Variants in ANKFN1 observed in about 807,000 individuals in gnomAD.
ANKFN1 encodes ankyrin repeat and fibronectin type III domain containing 1, also known as ankyrin repeat and fibronectin type-III domain-containing protein 1.
In ANKFN1, 74 loss-of-function variants were observed where a neutral mutation model predicts 108.7. The observed-to-expected ratio is 0.68, with a 90% confidence interval of 0.56 to 0.83. The LOEUF (loss-of-function observed/expected upper bound fraction) is 0.83, where lower values mean the gene tolerates loss of function less well. Ranked by LOEUF, ANKFN1 falls within the 40% of genes least tolerant of loss-of-function variation. ANKFN1 has a pLI of 0.00. For synonymous variants in ANKFN1, 547 were observed against 516.2 expected (o/e 1.06, Z -0.81); for missense variants, 1,505 against 1,382.3 (o/e 1.09, Z -1.41).
intron 8 of ANKFN1, among the ~76,000 whole-genome samples, chr17:56,405,037 T>TACCA (rs909221856): frequency 6.6e-6 from 1 of 152,212 alleles, no homozygotes; most frequent in African/African-American, 2.4e-5. Context: ...CAGCCATGGA[T>TACCA]ACCAGCACCT....
At chr17:56,390,186 C>T (rs545858004) in intron 8 of ANKFN1, among the ~76,000 whole-genome samples, 5 of 152,090 alleles carry the variant, frequency 3.3e-5, no homozygotes, top group Non-Finnish European at 7.4e-5. Flanking sequence ...TCCTATTGCT[C>T]TCCCTCCCCT....
At chr17:56,485,521 C>T (rs946642474) in intron 18 of ANKFN1, among the ~76,000 whole-genome samples, 3 of 152,134 alleles carry the variant, frequency 2.0e-5, no homozygotes, top group African/African-American at 7.2e-5. Flanking sequence ...TGCAGGGCCT[C>T]ACAGGCCATG....
In ANKFN1 at chr17:56,455,360, C is replaced by G. The variant is rs150292757; in HGVS notation, c.1208-1501C>G. Among the ~76,000 whole-genome samples the G allele has an allele frequency of 3.5e-4, 53 of 152,308 alleles. No individual in the cohort carries two copies. In the East Asian group the frequency reaches 0.01, roughly 29 times the overall value. ...GCAGCATTATTTCCAAGCAGCCAAA[C>G]TCATGTTCAAGTCAGAAAAAAGAAT... On this transcript the variant is annotated intron_variant, in intron 11 of 20. Coordinates refer to ENST00000682825, the MANE Select transcript of ANKFN1 (RefSeq NM_001370326.1).
At chr17:56,101,468 A>G (rs1279234053) in intron 4 of ANKFN1, among the ~76,000 whole-genome samples, 1 of 152,216 alleles carries the variant, frequency 6.6e-6, no homozygotes, top group Non-Finnish European at 1.5e-5. Context: ...TAGGATTACT[A>G]GGATTAGGGA....
At chr17:56,469,428 G>A (rs747322173) in intron 15 of ANKFN1, among the ~76,000 whole-genome samples, 1 of 152,102 alleles carries the variant, frequency 6.6e-6, no homozygotes, top group Non-Finnish European at 1.5e-5. Context: ...AAGCAGGCTG[G>A]TAATTCCCAC....
intron 4 of ANKFN1, among the ~76,000 whole-genome samples, chr17:56,078,998 G>A (rs1905214295): frequency 6.6e-6 from 1 of 152,258 alleles, no homozygotes; most frequent in Non-Finnish European, 1.5e-5. Flanking sequence ...GCATTTTAGA[G>A]TGATCAAGAG....
intron 6 of ANKFN1, chr17:56,368,361 C>T (rs1159057950): frequency 9.0e-6 from 2 of 221,594 alleles, no homozygotes; most frequent in Non-Finnish European, 1.5e-5. Flanking sequence ...CTCACTGCAA[C>T]CTCCGCCTCC....
Position 56,510,688 on chromosome 17 carries a change from G to C in ANKFN1, c.2860G>C (p.Asp954His), listed in dbSNP as rs1450952684. 26 of 1,536,016 alleles carry C rather than the reference G, an allele frequency of 1.7e-5. No individual in the cohort carries two copies. Among genetic ancestry groups the C allele is most frequent in the Non-Finnish European group, 2.2e-5 (25 of 1,146,924 alleles). ...DVKTPLGPGQDPQGEGPNPDH... is the reference protein window; with the variant it reads ...DVKTPLGPGQHPQGEGPNPDH... Reference sequence around the variant, plus strand: ...GAAAACCCCTCTGGGGCCGGGCCAGGATCCCCAGGGCGAGGGCCCAAATCC... The same window carrying C: ...GAAAACCCCTCTGGGGCCGGGCCAGCATCCCCAGGGCGAGGGCCCAAATCC... The change falls in exon 21 of 21, where the codon GAT becomes CAT. Residue 954 changes from aspartate to histidine, a missense_variant. By Grantham distance (81) the Asp-to-His change is moderately conservative. Coordinates refer to ENST00000682825, the MANE Select transcript of ANKFN1 (RefSeq NM_001370326.1).
intron 4 of ANKFN1, among the ~76,000 whole-genome samples, chr17:56,145,056 G>A (rs1908176693): frequency 6.6e-6 from 1 of 152,178 alleles, no homozygotes; most frequent in Non-Finnish European, 1.5e-5. Flanking sequence ...CCTCATACCA[G>A]GAAGGAGCTG....
At chr17:56,268,015 G>T (rs186601382) in intron 3 of ANKFN1, among the ~76,000 whole-genome samples, 1 of 151,902 alleles carries the variant, frequency 6.6e-6, no homozygotes, top group Non-Finnish European at 1.5e-5. Context: ...TATTCTTCCT[G>T]TCCATGAGCA....
intron 8 of ANKFN1, among the ~76,000 whole-genome samples, chr17:56,414,693 G>T (rs2048188995): frequency 6.6e-6 from 1 of 152,096 alleles, no homozygotes; most frequent in Non-Finnish European, 1.5e-5. Context: ...ATGCTGAAAA[G>T]CATTGATAAA....
chr17:56,394,403 T>C (rs978833606), intron 8 of ANKFN1, among the ~76,000 whole-genome samples: 3 of 152,198 alleles, frequency 2.0e-5, no homozygotes, highest in Non-Finnish European at 4.4e-5. Context: ...TCTGGAGCCA[T>C]GAAGCCTTGG....
At chr17:56,388,518 TC>T (rs1167993315) in intron 8 of ANKFN1, among the ~76,000 whole-genome samples, 2 of 152,218 alleles carry the variant, frequency 1.3e-5, no homozygotes, top group African/African-American at 4.8e-5. Context: ...TCCTCTGCAC[TC>T]CCTTATTCTC....
At chr17:56,349,969 A>C (rs1306451011) in intron 4 of ANKFN1, among the ~76,000 whole-genome samples, 1 of 152,242 alleles carries the variant, frequency 6.6e-6, no homozygotes, top group South Asian at 2.1e-4. Context: ...TCTTGATAGC[A>C]TCAAAATTTC....
chr17:56,291,449 C>T (rs1164555089), intron 3 of ANKFN1, among the ~76,000 whole-genome samples: 2 of 152,184 alleles, frequency 1.3e-5, no homozygotes, highest in Non-Finnish European at 2.9e-5. Flanking sequence ...TACCCTACTG[C>T]ACAGAACTGA....
chr17:56,426,848 T>C (rs2048586542), intron 8 of ANKFN1, among the ~76,000 whole-genome samples: 1 of 152,236 alleles, frequency 6.6e-6, no homozygotes, highest in Non-Finnish European at 1.5e-5. Context: ...TCAGCCAGTC[T>C]GATCATCACA....
At chr17:56,185,547 C>T (rs773338848) in intron 1 of ANKFN1, among the ~76,000 whole-genome samples, 4 of 152,236 alleles carry the variant, frequency 2.6e-5, no homozygotes, top group Non-Finnish European at 5.9e-5. Flanking sequence ...TCTTTGGGGA[C>T]TTAATGTGCC....
intron 8 of ANKFN1, among the ~76,000 whole-genome samples, chr17:56,407,931 C>CTTTT (rs761975892): frequency 7.4e-4 from 77 of 104,628 alleles, no homozygotes; most frequent in East Asian, 1.5e-3. Context: ...TCTTTTTTAT[C>CTTTT]TTTTTTTTTT....
chr17:56,068,889 G>GT (rs1258634921), intron 4 of ANKFN1, among the ~76,000 whole-genome samples: 1 of 152,116 alleles, frequency 6.6e-6, no homozygotes, highest in Non-Finnish European at 1.5e-5. Flanking sequence ...TATCACGTAT[G>GT]TATTTCTAAA....
Sources: gnomAD v4.1 joint callset for allele counts (sites outside exome capture counted in the v4.1 genomes callset) on GRCh38, gnomAD v4.1.1 for gene constraint, MANE v1.5 for transcripts, NCBI Gene and HGNC (gene_info 2026-07-23, HGNC 2026-07-21) for gene names.